PTPRD: variants seen among roughly 807,000 people sequenced by gnomAD.
The protein encoded by PTPRD is protein tyrosine phosphatase receptor type D, also known as receptor-type tyrosine-protein phosphatase delta.
In PTPRD, 34 loss-of-function variants were observed where a neutral mutation model predicts 214.5. The ratio of observed to expected loss-of-function variants is 0.16; its 90% CI spans 0.12 to 0.21. The LOEUF (loss-of-function observed/expected upper bound fraction) is 0.21. Ranked by LOEUF, PTPRD falls within the 10% of genes least tolerant of loss-of-function variation. PTPRD has a pLI of 1.00. For missense variants in PTPRD, 2,545 were observed against 2,398.7 expected (o/e 1.06, Z -1.27); for synonymous variants, 1,128 against 845.7 (o/e 1.33, Z -5.79).
At chr9:9,424,208 T>C (rs2079942979) in intron 8 of PTPRD, among the ~76,000 whole-genome samples, 1 of 152,202 alleles carries the variant, frequency 6.6e-6, no homozygotes, top group Admixed American at 6.5e-5. Context: ...TTCATCACAG[T>C]TTTACTTCTC....
At chr9:9,130,319 T>C (rs956160082) in intron 10 of PTPRD, among the ~76,000 whole-genome samples, 1 of 152,300 alleles carries the variant, frequency 6.6e-6, no homozygotes, top group Non-Finnish European at 1.5e-5. Context: ...CTATTTATAA[T>C]AAAACATCAA....
intron 11 of PTPRD, among the ~76,000 whole-genome samples, chr9:8,769,314 T>TG (rs2095016777): frequency 6.6e-6 from 1 of 152,222 alleles, no homozygotes; most frequent in East Asian, 1.9e-4. Flanking sequence ...GCTACAGTTT[T>TG]GTAAACACTA....
chr9:8,716,999 CTACAAAATAA>C (rs566947840), intron 12 of PTPRD, among the ~76,000 whole-genome samples: 45 of 152,224 alleles, frequency 3.0e-4, no homozygotes, highest in African/African-American at 1.1e-3. Flanking sequence ...AACCCCTTGT[CTACAAAATAA>C]TACAAAAAAT....
At chr9:8,538,618 T>TAC (rs1014066268) in intron 14 of PTPRD, among the ~76,000 whole-genome samples, 11 of 151,386 alleles carry the variant, frequency 7.3e-5, no homozygotes, top group African/African-American at 2.7e-4. Context: ...AATATATATG[T>TAC]ACACACATAT....
intron 3 of PTPRD, among the ~76,000 whole-genome samples, chr9:10,043,769 G>A (rs941297250): frequency 6.6e-6 from 1 of 151,780 alleles, no homozygotes; most frequent in Non-Finnish European, 1.5e-5. Context: ...ATCATCCCTT[G>A]ATTATTTCAT....
chr9:9,054,735 T>C (rs1014043538), intron 10 of PTPRD, among the ~76,000 whole-genome samples: 9 of 152,210 alleles, frequency 5.9e-5, no homozygotes, highest in Non-Finnish European at 2.9e-5. Flanking sequence ...TTTGCCATTG[T>C]TGTGTGATTT....
At chr9:10,474,017 G>C (rs1412193455) in intron 2 of PTPRD, among the ~76,000 whole-genome samples, 1 of 152,030 alleles carries the variant, frequency 6.6e-6, no homozygotes, top group East Asian at 1.9e-4. Flanking sequence ...ACCAGTACCA[G>C]TCACTGCAAA....
rs1414525769 is a variant in PTPRD at position 8,486,030 on chromosome 9, G to T, written c.2787C>A (p.Gly929=). ...ATAACTGGACGGAGGTTGAAGTGGT[G>T]CCTTCTGAGTGAAGGTTTTGAGGGA... The part of the protein sequence containing the change: ...TGFPQNLHSE[G]TTSTSVQLSW... The change falls in exon 28 of 46, where the codon GGC becomes GGA. Residue 929 remains glycine (G), a synonymous_variant. Transcript: ENST00000381196. The T allele has an allele frequency of 6.2e-7, 1 of 1,614,160 alleles. No individual in the cohort carries two copies. The highest frequency in any genetic ancestry group is 8.5e-7 in the Non-Finnish European group (1 of 1,180,024).
chr9:10,278,770 T>C (rs535872341), intron 3 of PTPRD, among the ~76,000 whole-genome samples: 1 of 146,260 alleles, frequency 6.8e-6, no homozygotes, highest in South Asian at 2.1e-4. Context: ...GGTTTTTTTT[T>C]TGTTTTGTTT....
chr9:9,102,791 T>C (rs1323263552), intron 10 of PTPRD, among the ~76,000 whole-genome samples: 4 of 152,230 alleles, frequency 2.6e-5, no homozygotes, highest in African/African-American at 4.8e-5. Context: ...TAGAGATTTT[T>C]TCTCAATTTT....
At chr9:10,498,093 C>A (rs1483080077) in intron 2 of PTPRD, among the ~76,000 whole-genome samples, 1 of 151,870 alleles carries the variant, frequency 6.6e-6, no homozygotes, top group Non-Finnish European at 1.5e-5. Context: ...AGCTGCAGAG[C>A]AATATTACAA....
At chr9:9,952,461 A>G (rs2093543822) in intron 4 of PTPRD, among the ~76,000 whole-genome samples, 1 of 152,176 alleles carries the variant, frequency 6.6e-6, no homozygotes, top group African/African-American at 2.4e-5. Flanking sequence ...GTTCAATTAC[A>G]AAACTGGTGG....
intron 7 of PTPRD, among the ~76,000 whole-genome samples, chr9:9,635,609 C>T (rs559361158): frequency 3.0e-4 from 45 of 152,272 alleles, no homozygotes; most frequent in Admixed American, 5.2e-4. Flanking sequence ...AAATGCAGTA[C>T]TCCTGTAACC....
chr9:8,825,916 G>C (rs2097166270), intron 11 of PTPRD, among the ~76,000 whole-genome samples: 1 of 152,126 alleles, frequency 6.6e-6, no homozygotes, highest in Admixed American at 6.5e-5. Flanking sequence ...GGTGGGTTTT[G>C]GCCAGCTCCT....
chr9:10,509,631 G>C (rs189118242), intron 2 of PTPRD, among the ~76,000 whole-genome samples: 2 of 141,208 alleles, frequency 1.4e-5, no homozygotes, highest in Non-Finnish European at 3.0e-5. Flanking sequence ...AGGTACATTT[G>C]GCGTTTTTTA....
intron 12 of PTPRD, among the ~76,000 whole-genome samples, chr9:8,697,416 A>ACTTTTTTTTTTTTTTTTTTTTTTTT (rs1491528595): frequency 2.7e-5 from 2 of 74,674 alleles, no homozygotes; most frequent in Non-Finnish European, 5.6e-5. Context: ...ATTTTTATGT[A>ACTTTTTTTTTTTTTTTTTTTTTTTT]CTTTTTTTTT....
chr9:8,717,583 A>C (rs2098450563), intron 12 of PTPRD, among the ~76,000 whole-genome samples: 1 of 152,178 alleles, frequency 6.6e-6, no homozygotes, highest in African/African-American at 2.4e-5. Flanking sequence ...TCCCAGTTTA[A>C]AACTTTCACT....
chr9:9,767,806 C>A (rs1351707575), intron 5 of PTPRD, among the ~76,000 whole-genome samples: 1 of 152,082 alleles, frequency 6.6e-6, no homozygotes, highest in Non-Finnish European at 1.5e-5. Flanking sequence ...TTAATATTCT[C>A]AAACTCAAAG....
At chr9:9,167,048 T>C (rs1183812335) in intron 10 of PTPRD, among the ~76,000 whole-genome samples, 1 of 152,080 alleles carries the variant, frequency 6.6e-6, no homozygotes, top group Non-Finnish European at 1.5e-5. Flanking sequence ...GAAAAAAAAC[T>C]AAAGCCCAGA....
Sources: allele counts gnomAD v4.1 joint callset (sites outside exome capture counted in the v4.1 genomes callset), GRCh38; gene constraint gnomAD v4.1.1; transcripts MANE v1.5; gene names NCBI Gene and HGNC (gene_info 2026-07-23, HGNC 2026-07-21).